Variants in OR52E5 observed in about 807,000 individuals in gnomAD.
OR52E5 encodes the protein olfactory receptor 52E5.
chr11:5,896,420 CA>C (rs11333518), intron 2 of OR52E5, among the ~76,000 whole-genome samples: 72,387 of 104,594 alleles, frequency 0.69, 23,374 homozygotes, highest in East Asian at 0.76. Flanking sequence ...GACACTGTGT[CA>C]AAAAAAAAAA....
intron 1 of OR52E5, among the ~76,000 whole-genome samples, chr11:5,893,534 A>G (rs1847132436): frequency 6.6e-6 from 1 of 152,176 alleles, no homozygotes; most frequent in African/African-American, 2.4e-5. Context: ...GAGTTAAAGG[A>G]AAAGAGAAGG....
At chr11:5,894,772 C>G (rs1037054636) in intron 1 of OR52E5, among the ~76,000 whole-genome samples, 2 of 152,004 alleles carry the variant, frequency 1.3e-5, no homozygotes, top group African/African-American at 4.8e-5. Flanking sequence ...TGCCCTTTTT[C>G]TATAAAGAGA....
chr11:5,894,782 A>G (rs1268662874), intron 1 of OR52E5, among the ~76,000 whole-genome samples: 1 of 152,138 alleles, frequency 6.6e-6, no homozygotes, highest in Non-Finnish European at 1.5e-5. Flanking sequence ...CTATAAAGAG[A>G]GAGAGAGTTA....
At position 5,901,877 on chromosome 11, in the gene OR52E5, T is replaced by TG. The variant is rs1336161005; in HGVS notation, c.*119dup. On this transcript the variant is annotated 3_prime_UTR_variant, in exon 3 of 3. Transcript: ENST00000610445. ...GTCTCATGATTTCAGTACGGTCTGT[T>TG]GGAAGTTATAGCTCAAAGATTCCAA... 1 of 399,012 alleles carries TG rather than the reference T, an allele frequency of 2.5e-6. No individual in the cohort carries two copies. Among genetic ancestry groups the TG allele is most frequent in the Non-Finnish European group, 4.4e-6 (1 of 225,530 alleles). 24.7% of individuals were successfully genotyped at this position (399,012 alleles called of 1,614,324 possible). A position where few individuals can be genotyped will look rare whatever the true frequency, so the allele number is the denominator to read the frequency against.
rs1273796438 is a variant in OR52E5 at position 5,901,317 on chromosome 11, T to G, written c.541T>G (p.Cys181Gly). The change falls in exon 3 of 3, where the codon TGT becomes GGT. Residue 181 changes from cysteine to glycine, a missense_variant. Cys to Gly is a radical substitution (Grantham distance 159). Transcript: ENST00000610445. The part of the protein sequence containing the change: ...CGVRIIPHTY[C>G]EHMGLAKLAC... ...TGTCCGGATTATCCCTCATACCTAT[T>G]GTGAACACATGGGCTTGGCAAAGTT... The G allele has an allele frequency of 5.0e-6, 2 of 401,600 alleles. No individual in the cohort carries two copies. Among genetic ancestry groups the G allele is most frequent in the African/African-American group, 4.1e-5 (2 of 48,644 alleles). 24.9% of individuals were successfully genotyped at this position (401,600 alleles called of 1,614,324 possible).
intron 2 of OR52E5, among the ~76,000 whole-genome samples, chr11:5,897,262 T>C (rs1022573875): frequency 2.6e-5 from 4 of 152,168 alleles, no homozygotes; most frequent in Non-Finnish European, 4.4e-5. Context: ...CAAAAGGTAG[T>C]TTTTCAACTC....
At position 5,901,412 on chromosome 11, in the gene OR52E5, G is replaced by A. The variant is rs1221760205; in HGVS notation, c.636G>A (p.Val212=). ...CAGTGGGATACATTGACATTTCTGTGATTGGATTTTCCTATGTCCAGATCC... is the reference window on the plus strand; with the variant it reads ...CAGTGGGATACATTGACATTTCTGTAATTGGATTTTCCTATGTCCAGATCC... ...AFSVGYIDIS[V]IGFSYVQILR... The change falls in exon 3 of 3, where the codon GTG becomes GTA. Residue 212 remains valine (V), a synonymous_variant. Coordinates refer to ENST00000610445, the MANE Select transcript of OR52E5 (RefSeq NM_001005166.5). The A allele has an allele frequency of 2.5e-6, 1 of 401,418 alleles. No homozygotes were observed. Among genetic ancestry groups the A allele is most frequent in the African/African-American group, 2.1e-5 (1 of 48,686 alleles). 24.9% of individuals were successfully genotyped at this position (401,418 alleles called of 1,614,324 possible). A position where few individuals can be genotyped will look rare whatever the true frequency, so the allele number is the denominator to read the frequency against.
intron 1 of OR52E5, among the ~76,000 whole-genome samples, chr11:5,894,661 A>C (rs1349261971): frequency 6.6e-6 from 1 of 152,192 alleles, no homozygotes; most frequent in African/African-American, 2.4e-5. Flanking sequence ...ATAGGTTAAA[A>C]TTAATGTTTA....
rs948144312 is a variant in OR52E5 at position 5,902,331 on chromosome 11, A to C, written c.*571A>C. ...AATCTGTGCAGCTTGTAAAACATTA[A>C]AAGATTTGGAAACAAAATGAGTGCT... On this transcript the variant is annotated 3_prime_UTR_variant, in exon 3 of 3. Coordinates refer to ENST00000610445, the MANE Select transcript of OR52E5 (RefSeq NM_001005166.5). 6.6e-6 allele frequency: 1 copy of C among 152,474 alleles called. No homozygotes were observed. The highest frequency in any genetic ancestry group is 6.5e-5 in the Admixed American group (1 of 15,288). 9.4% of individuals were successfully genotyped at this position (152,474 alleles called of 1,614,324 possible).
intron 2 of OR52E5, among the ~76,000 whole-genome samples, chr11:5,899,829 C>G (rs1448633372): frequency 6.6e-6 from 1 of 152,172 alleles, no homozygotes; most frequent in Non-Finnish European, 1.5e-5. Context: ...CAGAAAGACT[C>G]AATTGTGACG....
intron 1 of OR52E5, among the ~76,000 whole-genome samples, chr11:5,893,969 A>C (rs982249578): frequency 2.0e-5 from 3 of 152,168 alleles, no homozygotes; most frequent in African/African-American, 7.2e-5. Flanking sequence ...CTTCTTTATA[A>C]GCATATTTTC....
At chr11:5,898,032 T>A (rs1044222601) in intron 2 of OR52E5, among the ~76,000 whole-genome samples, 8 of 151,514 alleles carry the variant, frequency 5.3e-5, no homozygotes, top group East Asian at 1.9e-4. Flanking sequence ...CAAGCTAATT[T>A]TTTTTTTTTT....
intron 2 of OR52E5, among the ~76,000 whole-genome samples, chr11:5,896,042 C>G (rs1430887692): frequency 6.6e-6 from 1 of 150,796 alleles, no homozygotes; most frequent in African/African-American, 2.4e-5. Flanking sequence ...GAGAGAGACT[C>G]CATCTCAAAA....
chr11:5,899,035 C>T (rs1847214435), intron 2 of OR52E5, among the ~76,000 whole-genome samples: 1 of 152,066 alleles, frequency 6.6e-6, no homozygotes, highest in Admixed American at 6.6e-5. Context: ...GGTCATTTTA[C>T]TGATAGTGAT....
At position 5,901,157 on chromosome 11, in the gene OR52E5, C is replaced by G. The variant is rs2134297460; in HGVS notation, c.381C>G (p.Ala127=). The change falls in exon 3 of 3, where the codon GCC becomes GCG. Residue 127 remains alanine (A), a synonymous_variant. Coordinates refer to ENST00000610445, the MANE Select transcript of OR52E5 (RefSeq NM_001005166.5). The part of the protein sequence containing the change: ...LTVTGIDRYI[A]ICNPLRYSMI... The stretch of plus-strand genomic sequence containing the variant: ...TCACGGGCATAGATCGCTATATTGC[C>G]ATCTGCAACCCCCTGAGATATAGCA... The G allele has an allele frequency of 5.0e-6, 2 of 401,412 alleles. No individual in the cohort carries two copies. The highest frequency in any genetic ancestry group is 7.1e-5 in the East Asian group (2 of 28,084). 24.9% of individuals were successfully genotyped at this position (401,412 alleles called of 1,614,324 possible).
chr11:5,898,513 T>C (rs1009135080), intron 2 of OR52E5, among the ~76,000 whole-genome samples: 1 of 152,202 alleles, frequency 6.6e-6, no homozygotes, highest in Non-Finnish European at 1.5e-5. Flanking sequence ...CATAAATTAT[T>C]TGCCTAGGGC....
Position 5,901,451 on chromosome 11 carries a change from C to A in OR52E5, c.675C>A (p.Phe225Leu), listed in dbSNP as rs1847252100. ...ATGTCCAGATCCTCCGAGCTGTCTT[C>A]CATCTCCCAGCCTGGGATGCCCGGC... is the stretch of plus-strand genomic sequence containing the variant. Reference protein sequence around the residue: ...FSYVQILRAVFHLPAWDARPK... With the variant: ...FSYVQILRAVLHLPAWDARPK... The change falls in exon 3 of 3, where the codon TTC becomes TTA. Residue 225 changes from phenylalanine to leucine, a missense_variant. Phe to Leu is a conservative substitution (Grantham distance 22). Transcript: ENST00000610445. 5.0e-6 allele frequency: 2 copies of A among 401,712 alleles called. No homozygotes were observed. Among genetic ancestry groups the A allele is most frequent in the East Asian group, 7.1e-5 (2 of 28,072 alleles). The allele number at this position is 401,712 out of a possible 1,614,324, so 24.9% of individuals were successfully genotyped here.
chr11:5,894,606 T>C (rs1847148635), intron 1 of OR52E5, among the ~76,000 whole-genome samples: 1 of 152,116 alleles, frequency 6.6e-6, no homozygotes. Context: ...GCAGAAAGTT[T>C]GAAGTGCAGT....
chr11:5,895,570 T>G (rs1847161865), intron 1 of OR52E5, 62 bp from the exon 2 acceptor site: 1 of 152,218 alleles, frequency 6.6e-6, no homozygotes, highest in African/African-American at 2.4e-5. Flanking sequence ...TATTTTTTAA[T>G]CTTTGTAAAT....
Sources: gnomAD v4.1 joint callset for allele counts (sites outside exome capture counted in the v4.1 genomes callset) on GRCh38, gnomAD v4.1.1 for gene constraint, MANE v1.5 for transcripts, NCBI Gene and HGNC (gene_info 2026-07-23, HGNC 2026-07-21) for gene names.